Variants in SH3PXD2A observed in about 807,000 individuals in gnomAD.
SH3PXD2A encodes SH3 and PX domain-containing protein 2A.
SH3PXD2A carries 32 observed loss-of-function variants against 115.2 expected under a neutral mutation model. The ratio of observed to expected loss-of-function variants is 0.28; its 90% CI spans 0.21 to 0.37. The LOEUF (loss-of-function observed/expected upper bound fraction) is 0.37. Among genes scored for constraint, SH3PXD2A ranks in the 10% least tolerant of loss-of-function variants. The probability of loss-of-function intolerance (pLI) is 1.00; values close to 1 mark genes in which losing one functional copy is unlikely to be tolerated. For synonymous variants in SH3PXD2A, 610 were observed against 629.1 expected (o/e 0.97, Z 0.45); for missense variants, 1,328 against 1,498.7 (o/e 0.89, Z 1.88).
In SH3PXD2A at chr10:103,821,245, C is replaced by T. The variant is rs145433542; in HGVS notation, c.73-19883G>A. On this transcript the variant is annotated intron_variant, in intron 1 of 14. Transcript: ENST00000369774. ...GCAACCTCCACCTCCTGGGTTCAAG[C>T]GATTCTCCTGCCTCAGCCTCCCAAG... Among the ~76,000 whole-genome samples the T allele has an allele frequency of 5.5e-3, 823 of 149,584 alleles. 2 individuals carry two copies. Among genetic ancestry groups the T allele is most frequent in the African/African-American group, 0.016 (658 of 40,520 alleles).
In SH3PXD2A at chr10:103,620,209, C is replaced by T. The variant is rs990968688; in HGVS notation, c.802+2261G>A. On this transcript the variant is annotated intron_variant, in intron 10 of 14. Coordinates refer to ENST00000369774, the MANE Select transcript of SH3PXD2A (RefSeq NM_001394015.1). This position sits in a 1 kb window ranked among gnomAD's most constrained non-coding sequence, Gnocchi z 5.3. Reference sequence around the variant, plus strand: ...GTTGAGGGAAGGGAGGCTGTGAGCTCCAGTGGGATCCTCCGGGCTTCTGGG... The same window carrying T: ...GTTGAGGGAAGGGAGGCTGTGAGCTTCAGTGGGATCCTCCGGGCTTCTGGG... Among the ~76,000 whole-genome samples the T allele has an allele frequency of 6.6e-6, 1 of 152,150 alleles. No homozygotes were observed. The highest frequency in any genetic ancestry group is 2.4e-5 in the African/African-American group (1 of 41,432).
At position 103,596,239 on chromosome 10, in the gene SH3PXD2A, G is replaced by C. The variant is rs940785867; in HGVS notation, c.*5577C>G. Reference sequence around the variant, plus strand: ...CTCATACCCATGGCATGGCTGAGGGGTGGGAGTCAGCCTGCTCGATGACAC... The same window carrying C: ...CTCATACCCATGGCATGGCTGAGGGCTGGGAGTCAGCCTGCTCGATGACAC... On this transcript the variant is annotated 3_prime_UTR_variant, in exon 15 of 15. Transcript: ENST00000369774. 6.6e-6 allele frequency: 1 copy of C among 152,456 alleles called. No homozygotes were observed. The highest frequency in any genetic ancestry group is 1.5e-5 in the Non-Finnish European group (1 of 68,032). 9.4% of individuals were successfully genotyped at this position (152,456 alleles called of 1,614,324 possible).
rs143049080 is a variant in SH3PXD2A at position 103,619,277 on chromosome 10, C to T, written c.803-1963G>A. Among the ~76,000 whole-genome samples, 193 of 152,322 alleles carry T rather than the reference C, an allele frequency of 1.3e-3. 1 individual carries two copies. Among genetic ancestry groups the T allele is most frequent in the African/African-American group, 3.9e-3 (163 of 41,566 alleles). The stretch of plus-strand genomic sequence containing the variant: ...AGTCCAACTCTCTCTGCTCTCCTGC[C>T]TGCTCCTGGTTCTGCTCCATTTTCC... On this transcript the variant is annotated intron_variant, in intron 10 of 14. Coordinates refer to ENST00000369774, the MANE Select transcript of SH3PXD2A (RefSeq NM_001394015.1).
In SH3PXD2A at chr10:103,603,487, C is replaced by T. The variant is rs753543376; in HGVS notation, c.1731G>A (p.Glu577=). The T allele has an allele frequency of 1.2e-6, 2 of 1,610,960 alleles. No homozygotes were observed. The highest frequency in any genetic ancestry group is 1.3e-5 in the African/African-American group (1 of 74,948). The change falls in exon 15 of 15, where the codon GAG becomes GAA. Residue 577 remains glutamate, a synonymous_variant. Transcript: ENST00000369774. ...GCCGCCTCTCCCCTGAGGCTCTGTC[C>T]TCCACGGGCTCCTCGCTCAGCTCAG... The part of the protein sequence containing the change: ...SEPELSEEPV[E]DRASGERRPA...
At chr10:103,790,045 G>A (rs1408705183) in intron 2 of SH3PXD2A, among the ~76,000 whole-genome samples, 2 of 152,116 alleles carry the variant, frequency 1.3e-5, no homozygotes, top group East Asian at 1.9e-4. Context: ...TCTTTGCAAC[G>A]GCAGCTTCTC....
chr10:103,814,599 G>A (rs190332709), intron 1 of SH3PXD2A, among the ~76,000 whole-genome samples: 1 of 152,204 alleles, frequency 6.6e-6, no homozygotes, highest in Admixed American at 6.5e-5. Flanking sequence ...GACCACCTGT[G>A]ACTGTGATGC....
At chr10:103,802,498 T>C (rs1275926346) in intron 1 of SH3PXD2A, among the ~76,000 whole-genome samples, 2 of 152,186 alleles carry the variant, frequency 1.3e-5, no homozygotes, top group Admixed American at 6.5e-5. Context: ...TGAATTGACT[T>C]AGGAATCCTT....
At chr10:103,816,069 T>G (rs1372792813) in intron 1 of SH3PXD2A, among the ~76,000 whole-genome samples, 1 of 152,028 alleles carries the variant, frequency 6.6e-6, no homozygotes, top group Non-Finnish European at 1.5e-5. Flanking sequence ...TGTCTGGACA[T>G]CTAAGGTACA....
chr10:103,833,272 G>A (rs180860881), intron 1 of SH3PXD2A, among the ~76,000 whole-genome samples: 2 of 152,252 alleles, frequency 1.3e-5, no homozygotes, highest in Non-Finnish European at 2.9e-5. Flanking sequence ...TGATTCCATA[G>A]GTATGAGGGA....
At chr10:103,615,466 G>A (rs1426302082) in intron 11 of SH3PXD2A, among the ~76,000 whole-genome samples, 2 of 151,602 alleles carry the variant, frequency 1.3e-5, no homozygotes, top group South Asian at 2.1e-4. Flanking sequence ...TGGAAAGGGC[G>A]CGATGGAGAG....
At chr10:103,702,585 C>CTGTGTGTGCGTGTGTG (rs1554913245) in intron 5 of SH3PXD2A, among the ~76,000 whole-genome samples, 1 of 32,984 alleles carries the variant, frequency 3.0e-5, no homozygotes, top group Non-Finnish European at 6.2e-5. Flanking sequence ...AGATGTAAGC[C>CTGTGTGTGCGTGTGTG]TGTGTGTGTG....
In SH3PXD2A at chr10:103,801,306, C is replaced by T. The variant is rs1057451387; in HGVS notation, c.129G>A (p.Arg43=). The T allele has an allele frequency of 6.2e-7, 1 of 1,611,760 alleles. No homozygotes were observed. The highest frequency in any genetic ancestry group is 8.5e-7 in the Non-Finnish European group (1 of 1,178,004). Residue 43 remains arginine (R), a synonymous_variant, in exon 2 of 15, where the codon AGG becomes AGA. Transcript: ENST00000369774. Reference sequence around the variant, plus strand: ...CCTGCAGGTCAAAGAACTTGCTGTACCTCCGGTAGATAGTCTGGGAGGTGG... The same window carrying T: ...CCTGCAGGTCAAAGAACTTGCTGTATCTCCGGTAGATAGTCTGGGAGGTGG... ...SDSTSQTIYR[R]YSKFFDLQMQ...
Position 103,785,444 on chromosome 10 carries a change from C to T in SH3PXD2A, c.153+15838G>A, listed in dbSNP as rs112112608. Among the ~76,000 whole-genome samples, 966 of 152,266 alleles carry T rather than the reference C, an allele frequency of 6.3e-3. 9 individuals carry two copies. Among genetic ancestry groups the T allele is most frequent in the African/African-American group, 0.022 (924 of 41,566 alleles). On this transcript the variant is annotated intron_variant, in intron 2 of 14. Transcript: ENST00000369774. ...CACAGGGACTCTGAACCCCACTCTC[C>T]GGGGGTAGCCTGAGTGAGGGCTGAG...
At chr10:103,659,294 C>T (rs2037257137) in intron 8 of SH3PXD2A, among the ~76,000 whole-genome samples, 1 of 152,214 alleles carries the variant, frequency 6.6e-6, no homozygotes, top group Admixed American at 6.5e-5. Flanking sequence ...CCTCCTGCTG[C>T]TCAAGGGTTA....
chr10:103,761,312 T>C (rs2038697445), intron 3 of SH3PXD2A, among the ~76,000 whole-genome samples: 1 of 152,134 alleles, frequency 6.6e-6, no homozygotes, highest in Non-Finnish European at 1.5e-5. Context: ...TAATGCCAGC[T>C]ACCCTGCAGT....
chr10:103,689,779 G>A (rs2037724661), intron 6 of SH3PXD2A, among the ~76,000 whole-genome samples: 1 of 152,162 alleles, frequency 6.6e-6, no homozygotes, highest in African/African-American at 2.4e-5. Context: ...TCAATAGAGG[G>A]AAGAAAGATG....
Position 103,601,460 on chromosome 10 carries a change from T to C in SH3PXD2A, c.*356A>G, listed in dbSNP as rs1035661689. On this transcript the variant is annotated 3_prime_UTR_variant, in exon 15 of 15. Transcript: ENST00000369774. ...CCCATGACCTTGTCTTTTCCAGATC[T>C]GTAGCAAAGGCACAACTGGGGTCTC... 1 of 187,208 alleles carries C rather than the reference T, an allele frequency of 5.3e-6. No individual in the cohort carries two copies. Among genetic ancestry groups the C allele is most frequent in the Non-Finnish European group, 1.1e-5 (1 of 89,694 alleles). The allele number at this position is 187,208 out of a possible 1,614,324, so 11.6% of individuals were successfully genotyped here.
chr10:103,645,164 GCTCT>G (rs1564852559), intron 8 of SH3PXD2A, among the ~76,000 whole-genome samples: 1 of 152,180 alleles, frequency 6.6e-6, no homozygotes, highest in Non-Finnish European at 1.5e-5. Flanking sequence ...TAGACCAAGA[GCTCT>G]CTGAGGACAT....
intron 5 of SH3PXD2A, among the ~76,000 whole-genome samples, chr10:103,699,039 G>A (rs1237169215): frequency 6.6e-6 from 1 of 152,164 alleles, no homozygotes; most frequent in Non-Finnish European, 1.5e-5. Flanking sequence ...CCAGAAGTTT[G>A]CAGAATTGGG....
Sources: allele counts gnomAD v4.1 joint callset (sites outside exome capture counted in the v4.1 genomes callset), GRCh38; gene constraint gnomAD v4.1.1; non-coding constraint Gnocchi (gnomAD v3.1); transcripts MANE v1.5; gene names NCBI Gene and HGNC (gene_info 2026-07-23, HGNC 2026-07-21).